Variants in CFAP58 observed in about 807,000 individuals in gnomAD.
CFAP58 encodes cilia and flagella associated protein 58, also known as cilia- and flagella-associated protein 58.
CFAP58 carries 88 observed loss-of-function variants against 119.5 expected under a neutral mutation model. That is an observed-to-expected ratio of 0.74 (90% CI 0.62 to 0.88). CFAP58 has a LOEUF of 0.88. Among genes scored for constraint, CFAP58 ranks in the 40% least tolerant of loss-of-function variants. CFAP58 has a pLI of 0.00. For synonymous variants in CFAP58, 365 were observed against 366.3 expected (o/e 1.00, Z 0.04); for missense variants, 990 against 1,021.2 (o/e 0.97, Z 0.42).
At chr10:104,361,939 T>C in intron 2 of CFAP58, 84 bp from the exon 3 acceptor site, 2 of 1,306,768 alleles carry the variant, frequency 1.5e-6, no homozygotes, top group Non-Finnish European at 2.1e-6. Context: ...TACACTGTGG[T>C]CATGGTATTA....
intron 17 of CFAP58, among the ~76,000 whole-genome samples, chr10:104,453,993 T>G (rs2013236999): frequency 6.6e-6 from 1 of 152,160 alleles, no homozygotes; most frequent in East Asian, 1.9e-4. Flanking sequence ...ATACCTTCTG[T>G]GTAGTAAATA....
chr10:104,339,516 G>A, the CFAP58 span, among the ~76,000 whole-genome samples: 1 of 152,244 alleles, frequency 6.6e-6, no homozygotes, highest in Non-Finnish European at 1.5e-5. Context: ...CCAAATGCCA[G>A]TGAAGGCACA....
intron 7 of CFAP58, among the ~76,000 whole-genome samples, chr10:104,373,100 A>G (rs963235061): frequency 1.3e-5 from 2 of 152,322 alleles, no homozygotes; most frequent in Admixed American, 1.3e-4. Flanking sequence ...AAATCAGAGT[A>G]TATAATGGAA....
At chr10:104,422,062 C>G (rs1459446802) in intron 15 of CFAP58, among the ~76,000 whole-genome samples, 1 of 152,108 alleles carries the variant, frequency 6.6e-6, no homozygotes, top group Non-Finnish European at 1.5e-5. Context: ...TGGCACACAC[C>G]TGTAGTCCCA....
chr10:104,429,213 C>A (rs1016501947), intron 15 of CFAP58, among the ~76,000 whole-genome samples: 1 of 152,020 alleles, frequency 6.6e-6, no homozygotes, highest in Non-Finnish European at 1.5e-5. Flanking sequence ...GGGGGTCACT[C>A]AGAAGCATTT....
rs1004217759 is a variant in CFAP58, at chr10:104,393,398, A to G, written c.1597A>G (p.Ile533Val). The part of the protein sequence containing the change: ...IHQVDELKED[I>V]SAKESALVKL... ...TCAGGTAGATGAGCTGAAAGAAGAC[A>G]TCTCTGCCAAAGAGTCCGCACTTGT... is the stretch of plus-strand genomic sequence containing the variant. Residue 533 changes from isoleucine (I) to valine (V), a missense_variant, in exon 11 of 18, where the codon ATC (isoleucine) becomes GTC (valine). Coordinates refer to ENST00000369704, the MANE Select transcript of CFAP58 (RefSeq NM_001008723.2). 3.1e-6 allele frequency: 5 copies of G among 1,614,022 alleles called. No homozygotes were observed. The highest frequency in any genetic ancestry group is 3.3e-5 in the Admixed American group (2 of 59,994).
chr10:104,442,962 T>C (rs887161570), intron 15 of CFAP58, among the ~76,000 whole-genome samples: 5 of 152,214 alleles, frequency 3.3e-5, no homozygotes, highest in Non-Finnish European at 4.4e-5. Context: ...TGTACCTGTA[T>C]TGATGTATGT....
chr10:104,405,188 C>T (rs150983606), intron 14 of CFAP58, among the ~76,000 whole-genome samples: 96 of 152,220 alleles, frequency 6.3e-4, no homozygotes, highest in African/African-American at 2.2e-3. Context: ...AAATCTAGTC[C>T]CAATAGATGG....
At chr10:104,453,970 A>G (rs887768731) in intron 17 of CFAP58, among the ~76,000 whole-genome samples, 2 of 152,174 alleles carry the variant, frequency 1.3e-5, no homozygotes, top group African/African-American at 2.4e-5. Flanking sequence ...ATAAATGTCC[A>G]AGTTTGATGA....
At chr10:104,378,806 T>A in intron 8 of CFAP58, among the ~76,000 whole-genome samples, 1 of 152,070 alleles carries the variant, frequency 6.6e-6, no homozygotes, top group Admixed American at 6.6e-5. Flanking sequence ...CACTTTTGCA[T>A]GAGCATGGCT....
intron 9 of CFAP58, chr10:104,382,434 C>T: frequency 6.1e-6 from 3 of 489,370 alleles, no homozygotes; most frequent in African/African-American, 1.9e-5. Context: ...ACACCACCAT[C>T]AGAGCTAACT....
At chr10:104,402,869 A>G (rs1235247901) in intron 13 of CFAP58, among the ~76,000 whole-genome samples, 2 of 152,114 alleles carry the variant, frequency 1.3e-5, no homozygotes, top group South Asian at 2.1e-4. Flanking sequence ...GTATTTTTCA[A>G]AGCTCCCCAG....
intron 9 of CFAP58, among the ~76,000 whole-genome samples, chr10:104,383,138 C>T (rs961227645): frequency 1.3e-5 from 2 of 152,196 alleles, no homozygotes; most frequent in African/African-American, 2.4e-5. Context: ...TGTCCTTTCT[C>T]TGCATGGCAC....
chr10:104,356,330 G>A (rs2014542324), intron 1 of CFAP58, among the ~76,000 whole-genome samples: 1 of 152,156 alleles, frequency 6.6e-6, no homozygotes, highest in South Asian at 2.1e-4. Flanking sequence ...TGGGCAAGAC[G>A]GGCTTGTCAA....
At chr10:104,427,047 G>A (rs935465737) in intron 15 of CFAP58, among the ~76,000 whole-genome samples, 1 of 152,204 alleles carries the variant, frequency 6.6e-6, no homozygotes, top group East Asian at 1.9e-4. Flanking sequence ...GAGGAAGCTT[G>A]CTGTTACAAT....
At chr10:104,382,355 A>C in intron 9 of CFAP58, 1 of 555,954 alleles carries the variant, frequency 1.8e-6, no homozygotes, top group Non-Finnish European at 3.3e-6. Flanking sequence ...TGAACATAAA[A>C]TGTCATCTGT....
chr10:104,379,704 T>A (rs1343987471), intron 8 of CFAP58, among the ~76,000 whole-genome samples: 1 of 152,226 alleles, frequency 6.6e-6, no homozygotes, highest in East Asian at 1.9e-4. Context: ...TGGATTCACA[T>A]CTTTGCTCTG....
intron 10 of CFAP58, among the ~76,000 whole-genome samples, chr10:104,392,700 C>T (rs949597967): frequency 2.0e-5 from 3 of 147,448 alleles, no homozygotes; most frequent in Admixed American, 6.8e-5. Context: ...AGTGCAGTGA[C>T]GCGATCTCGG....
intron 15 of CFAP58, among the ~76,000 whole-genome samples, chr10:104,437,850 T>A (rs1241554607): frequency 3.3e-5 from 5 of 151,970 alleles, no homozygotes; most frequent in Non-Finnish European, 7.4e-5. Flanking sequence ...ATAAAAGAAA[T>A]ATGTATAAAT....
Sources: allele counts gnomAD v4.1 joint callset (sites outside exome capture counted in the v4.1 genomes callset), GRCh38; gene constraint gnomAD v4.1.1; transcripts MANE v1.5; gene names NCBI Gene and HGNC (gene_info 2026-07-23, HGNC 2026-07-21).